Variants in ADCY2 observed in about 807,000 individuals in gnomAD.
ADCY2 encodes adenylate cyclase type 2.
Under a neutral mutation model 125.2 loss-of-function variants are expected in ADCY2, and 31 were observed. The observed-to-expected ratio is 0.25, with a 90% CI of 0.19 to 0.33. The LOEUF (loss-of-function observed/expected upper bound fraction) is 0.33, where lower values mean the gene tolerates loss of function less well. Ranked by LOEUF, ADCY2 falls within the 10% of genes least tolerant of loss-of-function variation. The pLI is 1.00. For synonymous variants in ADCY2, 512 were observed against 548.4 expected (o/e 0.93, Z 0.93); for missense variants, 904 against 1,418.2 (o/e 0.64, Z 5.82).
At chr5:7,803,854 C>T (rs1744674707) in intron 21 of ADCY2, among the ~76,000 whole-genome samples, 3 of 151,688 alleles carry the variant, frequency 2.0e-5, no homozygotes, top group African/African-American at 7.3e-5. Context: ...GAGCTATGAT[C>T]ACACCACTGC....
At chr5:7,706,344 A>G (rs755596742) in intron 7 of ADCY2, among the ~76,000 whole-genome samples, 3 of 152,272 alleles carry the variant, frequency 2.0e-5, no homozygotes, top group East Asian at 1.9e-4. Context: ...GGAGAGGTAC[A>G]TTGTGCTAAG....
chr5:7,497,129 A>G (rs1229477880), intron 2 of ADCY2, among the ~76,000 whole-genome samples: 3 of 152,228 alleles, frequency 2.0e-5, no homozygotes, highest in African/African-American at 7.2e-5. Context: ...TTCTTTAAAA[A>G]GTATCAAATT....
At chr5:7,551,010 TTCCC>T (rs200177703) in intron 3 of ADCY2, among the ~76,000 whole-genome samples, 21 of 136,874 alleles carry the variant, frequency 1.5e-4, no homozygotes, top group East Asian at 7.8e-4. Context: ...GCCTCCCTTC[TTCCC>T]TCCCTCCCTC....
intron 1 of ADCY2, among the ~76,000 whole-genome samples, chr5:7,399,923 T>C (rs1301927012): frequency 6.6e-6 from 1 of 152,146 alleles, no homozygotes. Context: ...TGGTTTTTAA[T>C]TTTTTTCTTT....
chr5:7,506,933 A>G (rs1370408325), intron 2 of ADCY2, among the ~76,000 whole-genome samples: 9 of 147,574 alleles, frequency 6.1e-5, no homozygotes, highest in Non-Finnish European at 1.0e-4. Flanking sequence ...GACTACGGGC[A>G]CCCGCCACCA....
intron 24 of ADCY2, among the ~76,000 whole-genome samples, chr5:7,823,339 T>C (rs1166659507): frequency 6.6e-6 from 1 of 152,216 alleles, no homozygotes; most frequent in Non-Finnish European, 1.5e-5. Context: ...TTTCCAACAC[T>C]GGCTCCAGCT....
chr5:7,581,669 A>C (rs1736438321), intron 3 of ADCY2, among the ~76,000 whole-genome samples: 1 of 151,368 alleles, frequency 6.6e-6, no homozygotes, highest in Non-Finnish European at 1.5e-5. Flanking sequence ...AATACAAAAA[A>C]AAATCGCTGG....
intron 3 of ADCY2, among the ~76,000 whole-genome samples, chr5:7,538,195 T>C (rs1734882971): frequency 6.6e-6 from 1 of 152,188 alleles, no homozygotes; most frequent in South Asian, 2.1e-4. Flanking sequence ...AGAATAAAAA[T>C]ACATGTTTCC....
chr5:7,426,645 G>A (rs1049644939), intron 2 of ADCY2, among the ~76,000 whole-genome samples: 2 of 152,186 alleles, frequency 1.3e-5, no homozygotes, highest in African/African-American at 2.4e-5. Flanking sequence ...TGGCAGCCTT[G>A]GATTGGAGTT....
intron 4 of ADCY2, 47 bp from the exon 5 acceptor site, chr5:7,690,644 C>T: frequency 6.9e-7 from 1 of 1,459,472 alleles, no homozygotes; most frequent in Non-Finnish European, 9.0e-7. Flanking sequence ...TGGTCATCCC[C>T]CGAGGTGTCT....
intron 22 of ADCY2, among the ~76,000 whole-genome samples, chr5:7,810,233 G>A (rs1424968862): frequency 3.3e-5 from 5 of 152,160 alleles, no homozygotes; most frequent in Non-Finnish European, 7.3e-5. Flanking sequence ...TACCTGATTG[G>A]TGGGTTATCT....
chr5:7,654,695 C>G (rs1044909749), intron 4 of ADCY2, among the ~76,000 whole-genome samples: 9 of 152,176 alleles, frequency 5.9e-5, no homozygotes, highest in Admixed American at 4.6e-4. Flanking sequence ...AACACCCCAC[C>G]TTCCTTGCCC....
chr5:7,767,883 TAGCCGG>T (rs1743438290), intron 17 of ADCY2, among the ~76,000 whole-genome samples: 1 of 151,976 alleles, frequency 6.6e-6, no homozygotes, highest in Non-Finnish European at 1.5e-5. Context: ...AAAAAAAAAT[TAGCCGG>T]ATGTGGTGGC....
At chr5:7,420,732 A>G (rs1158735270) in intron 2 of ADCY2, among the ~76,000 whole-genome samples, 1 of 152,104 alleles carries the variant, frequency 6.6e-6, no homozygotes. Flanking sequence ...TGGCTCCCGG[A>G]GTTCGGGGCA....
At chr5:7,649,130 T>G (rs1243501170) in intron 4 of ADCY2, among the ~76,000 whole-genome samples, 1 of 152,260 alleles carries the variant, frequency 6.6e-6, no homozygotes, top group Non-Finnish European at 1.5e-5. Flanking sequence ...GCCATTTTCC[T>G]GCTCTGCTTC....
At chr5:7,732,666 G>C (rs1473953434) in intron 14 of ADCY2, among the ~76,000 whole-genome samples, 1 of 151,864 alleles carries the variant, frequency 6.6e-6, no homozygotes, top group Non-Finnish European at 1.5e-5. Context: ...TTATACTTTT[G>C]CTTTGTTTCA....
intron 14 of ADCY2, among the ~76,000 whole-genome samples, chr5:7,739,834 C>T (rs1040568121): frequency 3.3e-5 from 5 of 151,824 alleles, no homozygotes; most frequent in African/African-American, 9.7e-5. Context: ...AAATGAGTTT[C>T]TTGAAAAGAC....
Position 7,816,885 on chromosome 5 carries a change from T to C in ADCY2, c.2903T>C (p.Met968Thr), listed in dbSNP as rs1419140145. 6.2e-7 allele frequency: 1 copy of C among 1,614,170 alleles called. No individual in the cohort carries two copies. Among genetic ancestry groups the C allele is most frequent in the African/African-American group, 1.3e-5 (1 of 75,052 alleles). The stretch of plus-strand genomic sequence containing the variant: ...TCTCAGGAGCCCGAGCGGCAGTACA[T>C]GCACATTGGCACCATGGTGGAGTTT... ...EHSQEPERQY[M>T]HIGTMVEFAF... is the part of the protein sequence containing the mutation. The change falls in exon 23 of 25, where the codon ATG (methionine) becomes ACG (threonine). Residue 968 changes from methionine (M) to threonine (T), a missense_variant. This residue lies in a region of ADCY2 where 181 missense variants were observed against 381.6 expected (regional missense o/e 0.47). Transcript: ENST00000338316.
chr5:7,472,790 T>G (rs1416153305), intron 2 of ADCY2, among the ~76,000 whole-genome samples: 1 of 152,144 alleles, frequency 6.6e-6, no homozygotes, highest in Non-Finnish European at 1.5e-5. Flanking sequence ...TACCTTGTCC[T>G]TAGGGTGTGT....
Sources: allele counts gnomAD v4.1 joint callset (sites outside exome capture counted in the v4.1 genomes callset), GRCh38; gene constraint gnomAD v4.1.1; regional missense constraint gnomAD v4.1.1; transcripts MANE v1.5; gene names NCBI Gene and HGNC (gene_info 2026-07-23, HGNC 2026-07-21).